The following XIRP2 variants were observed in gnomAD, a reference collection of about 807,000 sequenced individuals.
XIRP2 encodes the protein xin actin binding repeat containing 2.
A neutral mutation model predicts 277.0 loss-of-function variants in XIRP2; 236 were observed. The ratio of observed to expected loss-of-function variants is 0.85; its 90% CI spans 0.77 to 0.95. The LOEUF is 0.95. XIRP2 is among the 40% of genes least tolerant of loss of function. XIRP2 has a pLI of 0.00. For synonymous variants in XIRP2, 1,490 were observed against 1,416.5 expected, an observed-to-expected ratio of 1.05 and a Z score of -1.17; for missense variants, 4,640 against 4,157.5, an observed-to-expected ratio of 1.12 and a Z score of -3.19.
chr2:166,939,512 C>T (rs185080450), intron 2 of XIRP2, among the ~76,000 whole-genome samples: 2 of 151,574 alleles, frequency 1.3e-5, no homozygotes, highest in African/African-American at 4.9e-5. Flanking sequence ...AACCCCGTCT[C>T]TACTAAAAAT....
At chr2:167,166,592 G>T (rs1692526928) in intron 3 of XIRP2, among the ~76,000 whole-genome samples, 3 of 152,116 alleles carry the variant, frequency 2.0e-5, no homozygotes, top group Non-Finnish European at 4.4e-5. Flanking sequence ...GAGGGCTCAG[G>T]GCACTTACAA....
At chr2:166,941,466 C>T (rs181329108) in intron 2 of XIRP2, among the ~76,000 whole-genome samples, 25 of 152,262 alleles carry the variant, frequency 1.6e-4, no homozygotes, top group South Asian at 1.0e-3. Context: ...ACCCACTGTC[C>T]GACAAGCCCC....
chr2:167,141,002 G>A (rs770137765), intron 3 of XIRP2: 16 of 152,116 alleles, frequency 1.1e-4, no homozygotes, highest in African/African-American at 2.9e-4. Context: ...GGTCGTTCAC[G>A]TGGTAACTAT....
chr2:167,078,645 G>A (rs1242104474), intron 2 of XIRP2, among the ~76,000 whole-genome samples: 1 of 151,990 alleles, frequency 6.6e-6, no homozygotes, highest in Non-Finnish European at 1.5e-5. Context: ...GACCATCCTG[G>A]CTAACATGGT....
chr2:167,156,059 C>G (rs868544076), intron 3 of XIRP2, among the ~76,000 whole-genome samples: 16 of 151,094 alleles, frequency 1.1e-4, no homozygotes, highest in South Asian at 2.1e-4. Context: ...AGGACCTCTT[C>G]AAGGAGAACT....
intron 3 of XIRP2, among the ~76,000 whole-genome samples, chr2:167,186,669 G>A (rs1693164049): frequency 6.6e-6 from 1 of 152,046 alleles, no homozygotes; most frequent in Admixed American, 6.6e-5. Context: ...ATTCTCTCAG[G>A]AGCACGTGAG....
intron 2 of XIRP2, among the ~76,000 whole-genome samples, chr2:167,040,137 A>G (rs912855612): frequency 6.6e-6 from 1 of 151,982 alleles, no homozygotes; most frequent in African/African-American, 2.4e-5. Context: ...ATTTAATTTC[A>G]AAAGTTTAGC....
At position 167,239,944 on chromosome 2, in the gene XIRP2, T is replaced by G. The variant is rs547800851; in HGVS notation, c.948T>G (p.Ile316Met). 4.2e-5 allele frequency: 68 copies of G among 1,602,418 alleles called. No individual in the cohort carries two copies. The highest frequency in any genetic ancestry group is 5.5e-5 in the Non-Finnish European group (65 of 1,177,148). ...AAGAAGGGTCCAAAGTACAGAAAAT[T>G]GATGTTCATGGAACAGAAATGGTAA... The part of the protein sequence containing the change: ...NEQEGSKVQK[I>M]DVHGTEMVSH... The change falls in exon 6 of 11, where the codon ATT becomes ATG. Residue 316 changes from isoleucine to methionine, a missense_variant. Coordinates refer to ENST00000409195, the MANE Select transcript of XIRP2 (RefSeq NM_152381.6).
chr2:166,902,885 CTT>C (rs1434696833), intron 1 of XIRP2, among the ~76,000 whole-genome samples: 1 of 152,058 alleles, frequency 6.6e-6, no homozygotes, highest in Non-Finnish European at 1.5e-5. Context: ...GCAACTAACT[CTT>C]TGTGATAATG....
chr2:167,087,591 G>A (rs1030503672), intron 2 of XIRP2, among the ~76,000 whole-genome samples: 16 of 152,178 alleles, frequency 1.1e-4, no homozygotes, highest in South Asian at 2.1e-4. Flanking sequence ...AGCAATCAGC[G>A]AGACTCCATG....
In XIRP2 at chr2:167,018,520, A is replaced by T. The variant is rs1391072544; in HGVS notation, c.408+114630A>T. Among the ~76,000 whole-genome samples the T allele has an allele frequency of 2.0e-5, 3 of 152,020 alleles. No individual in the cohort carries two copies. The East Asian group carries it at 5.8e-4, about 29-fold the overall frequency. The stretch of plus-strand genomic sequence containing the variant: ...CCAAGAAAAGAAAGGGGACAAGAAG[A>T]CCACCTGGAGGGAAGATTCTCAGCA... On this transcript the variant is annotated intron_variant, in intron 2 of 10. Coordinates refer to ENST00000409195, the MANE Select transcript of XIRP2 (RefSeq NM_152381.6).
chr2:167,067,585 AT>A (rs1239616359), intron 2 of XIRP2, among the ~76,000 whole-genome samples: 3 of 152,184 alleles, frequency 2.0e-5, no homozygotes, highest in African/African-American at 4.8e-5. Context: ...ACTGTCAGCT[AT>A]TTTTATGCAA....
In XIRP2 at chr2:167,137,963, T is replaced by G. The variant is rs574050311; in HGVS notation, c.562+1901T>G. On this transcript the variant is annotated intron_variant, in intron 3 of 10. Coordinates refer to ENST00000409195, the MANE Select transcript of XIRP2 (RefSeq NM_152381.6). ...AGAATGAACTATTTTAATACTTAAT[T>G]TAGTTAACTTGGACAGCATGCAAGT... Among the ~76,000 whole-genome samples, 7 of 152,316 alleles carry G rather than the reference T, an allele frequency of 4.6e-5. No individual in the cohort carries two copies. In the East Asian group the frequency reaches 1.2e-3, roughly 25 times the overall value.
chr2:167,111,677 C>T (rs368562815), intron 2 of XIRP2, among the ~76,000 whole-genome samples: 1 of 151,966 alleles, frequency 6.6e-6, no homozygotes, highest in South Asian at 2.1e-4. Context: ...CATGATGCTG[C>T]TCGTCTCATA....
rs773624352 is a variant in XIRP2, at chr2:167,244,081, C to CA, written c.2695dup (p.Ile899AsnfsTer5). The CA allele has an allele frequency of 1.4e-5, 23 of 1,613,646 alleles. No homozygotes were observed. In the East Asian group the frequency reaches 3.6e-4, roughly 25 times the overall value. On this transcript the variant is annotated frameshift_variant, in exon 9 of 11. Transcript: ENST00000409195. LOFTEE classifies it high-confidence loss of function. ...AGACAGTCCTGATATAGGAAAGCTT[C>CA]AAAAAATCACTGCCTCTGAAGAAGA...
chr2:167,024,940 C>T (rs1688107058), intron 2 of XIRP2, among the ~76,000 whole-genome samples: 1 of 152,108 alleles, frequency 6.6e-6, no homozygotes, highest in Admixed American at 6.6e-5. Flanking sequence ...CTCTGCCAGG[C>T]ATTGGTATCA....
intron 2 of XIRP2, among the ~76,000 whole-genome samples, chr2:166,987,829 T>C (rs878994167): frequency 1.3e-5 from 2 of 152,150 alleles, no homozygotes; most frequent in Admixed American, 1.3e-4. Context: ...TAAGTAACAA[T>C]AGTAACAGAT....
intron 2 of XIRP2, among the ~76,000 whole-genome samples, chr2:167,026,734 T>G (rs943650624): frequency 7.2e-5 from 11 of 152,082 alleles, no homozygotes; most frequent in African/African-American, 9.7e-5. Context: ...GGGTGGATAT[T>G]AAATTCTGGG....
chr2:166,952,995 CAG>C (rs775179865), intron 2 of XIRP2, among the ~76,000 whole-genome samples: 1 of 151,898 alleles, frequency 6.6e-6, no homozygotes, highest in African/African-American at 2.4e-5. Flanking sequence ...ATTATTATTG[CAG>C]AGAGAGATAT....
Sources: gnomAD v4.1 joint callset for allele counts (sites outside exome capture counted in the v4.1 genomes callset) on GRCh38, gnomAD v4.1.1 for gene constraint, MANE v1.5 for transcripts, NCBI Gene and HGNC (gene_info 2026-07-23, HGNC 2026-07-21) for gene names.